The following CACNA2D3 variants were observed in gnomAD, a reference collection of about 807,000 sequenced individuals.
CACNA2D3 encodes the protein voltage-dependent calcium channel subunit alpha-2/delta-3.
A neutral mutation model predicts 160.6 loss-of-function variants in CACNA2D3; 60 were observed. The ratio of observed to expected loss-of-function variants is 0.37; its 90% CI spans 0.30 to 0.46. The LOEUF is 0.46. Ranked by LOEUF, CACNA2D3 falls within the 20% of genes least tolerant of loss-of-function variation. The probability of loss-of-function intolerance (pLI) is 1.00; values close to 1 mark genes in which losing one functional copy is unlikely to be tolerated. For synonymous variants in CACNA2D3, 558 were observed against 492.9 expected, an observed-to-expected ratio of 1.13 and a Z score of -1.75; for missense variants, 1,205 against 1,365.0, an observed-to-expected ratio of 0.88 and a Z score of 1.85.
In CACNA2D3 at chr3:54,459,906, G is replaced by T. The variant is rs1267629980; in HGVS notation, c.382-43586G>T. On this transcript the variant is annotated intron_variant, in intron 4 of 37. Coordinates refer to ENST00000474759, the MANE Select transcript of CACNA2D3 (RefSeq NM_018398.3). ...TCTTGTAGGGTTTTTATGGTTTTAG[G>T]TCTAACATTTAAGTCTTTAATCCAT... Among the ~76,000 whole-genome samples the T allele has an allele frequency of 2.0e-5, 3 of 152,160 alleles. No individual in the cohort carries two copies. In the South Asian group the frequency reaches 6.2e-4, roughly 32 times the overall value.
At chr3:54,228,812 G>T (rs894540990) in intron 2 of CACNA2D3, among the ~76,000 whole-genome samples, 1 of 152,230 alleles carries the variant, frequency 6.6e-6, no homozygotes, top group African/African-American at 2.4e-5. Flanking sequence ...CAAGCATGGA[G>T]TCTGGGTTTT....
In CACNA2D3 at chr3:54,816,277, T is replaced by A. The variant is rs150215581; in HGVS notation, c.1381-576T>A. ...TTAAAAACAAGCATTTTTCTAACAG[T>A]CTTACCTTTATATACAGCAGGGTTT... On this transcript the variant is annotated intron_variant, in intron 13 of 37. Coordinates refer to ENST00000474759, the MANE Select transcript of CACNA2D3 (RefSeq NM_018398.3). Among the ~76,000 whole-genome samples, 22 of 152,272 alleles carry A rather than the reference T, an allele frequency of 1.4e-4. No homozygotes were observed. In the East Asian group the frequency reaches 4.2e-3, roughly 29 times the overall value.
chr3:54,913,455 A>G (rs1305231254), intron 27 of CACNA2D3, among the ~76,000 whole-genome samples: 1 of 152,174 alleles, frequency 6.6e-6, no homozygotes, highest in Non-Finnish European at 1.5e-5. Flanking sequence ...TCTAGACTCT[A>G]AATTTCCCAT....
intron 13 of CACNA2D3, among the ~76,000 whole-genome samples, chr3:54,766,026 C>T (rs1702217678): frequency 6.6e-6 from 1 of 151,954 alleles, no homozygotes; most frequent in Non-Finnish European, 1.5e-5. Context: ...AGAAGAAAAC[C>T]TGGGTAAATT....
chr3:54,846,768 G>T lies in CACNA2D3; in HGVS notation c.1626+301G>T, dbSNP rs568482244. Among the ~76,000 whole-genome samples the T allele has an allele frequency of 2.0e-5, 3 of 152,260 alleles. No individual in the cohort carries two copies. In the East Asian group the frequency reaches 5.8e-4, roughly 29 times the overall value. ...AAATTTTTTTAACTCTAGACAGCAT[G>T]AAACCTATCATAACGGGTCCCTTGA... On this transcript the variant is annotated intron_variant, in intron 17 of 37. Coordinates refer to ENST00000474759, the MANE Select transcript of CACNA2D3 (RefSeq NM_018398.3).
intron 3 of CACNA2D3, among the ~76,000 whole-genome samples, chr3:54,368,689 G>A (rs1425415421): frequency 8.2e-6 from 1 of 122,692 alleles, no homozygotes; most frequent in East Asian, 2.5e-4. Context: ...TTGGGGGTAG[G>A]GTTCTTTTTT....
chr3:54,512,053 C>A (rs1701468079), intron 5 of CACNA2D3, among the ~76,000 whole-genome samples: 1 of 152,124 alleles, frequency 6.6e-6, no homozygotes, highest in Admixed American at 6.5e-5. Flanking sequence ...TGCCACAGGT[C>A]CCCCTGTTTG....
chr3:54,967,546 A>G (rs1199777673), intron 27 of CACNA2D3, among the ~76,000 whole-genome samples: 1 of 152,174 alleles, frequency 6.6e-6, no homozygotes, highest in Non-Finnish European at 1.5e-5. Flanking sequence ...GCAACAGACT[A>G]CAGTTTGCAA....
intron 13 of CACNA2D3, among the ~76,000 whole-genome samples, chr3:54,797,612 G>T (rs1702892763): frequency 6.6e-6 from 1 of 151,980 alleles, no homozygotes; most frequent in African/African-American, 2.4e-5. Context: ...AGTTCTTTTT[G>T]AACTTTTTTA....
intron 13 of CACNA2D3, among the ~76,000 whole-genome samples, chr3:54,774,534 C>G (rs13325247): frequency 6.6e-6 from 1 of 151,844 alleles, no homozygotes; most frequent in Admixed American, 6.6e-5. Flanking sequence ...TCTCCAACAC[C>G]GGGGGTTACA....
At chr3:55,056,089 A>G (rs894510137) in intron 35 of CACNA2D3, among the ~76,000 whole-genome samples, 3 of 152,192 alleles carry the variant, frequency 2.0e-5, no homozygotes, top group African/African-American at 7.2e-5. Flanking sequence ...AAGGAATTCA[A>G]ACAACTCAAC....
At chr3:54,667,555 C>T (rs900982688) in intron 11 of CACNA2D3, among the ~76,000 whole-genome samples, 1 of 152,154 alleles carries the variant, frequency 6.6e-6, no homozygotes, top group African/African-American at 2.4e-5. Context: ...TGATGCATTG[C>T]CTGTCATCAC....
rs543803190 is a variant in CACNA2D3, at chr3:54,742,424, T to TAATA, written c.1168-10156_1168-10153dup. On this transcript the variant is annotated intron_variant, in intron 11 of 37. Coordinates refer to ENST00000474759, the MANE Select transcript of CACNA2D3 (RefSeq NM_018398.3). The stretch of plus-strand genomic sequence containing the variant: ...CAGAGTGAGACTGTGTCTCAAAAAA[T>TAATA]AATAAATAAATAAATAAATAAAATC... Among the ~76,000 whole-genome samples, 415 of 151,836 alleles carry TAATA rather than the reference T, an allele frequency of 2.7e-3. 3 individuals carry two copies. The highest frequency in any genetic ancestry group is 8.8e-3 in the African/African-American group (365 of 41,414).
At chr3:54,239,282 G>A (rs1701935989) in intron 2 of CACNA2D3, among the ~76,000 whole-genome samples, 1 of 152,186 alleles carries the variant, frequency 6.6e-6, no homozygotes, top group South Asian at 2.1e-4. Context: ...CAAGAATGCA[G>A]TTATTGTACT....
intron 2 of CACNA2D3, among the ~76,000 whole-genome samples, chr3:54,288,872 A>G (rs774957761): frequency 1.5e-4 from 23 of 152,150 alleles, no homozygotes; most frequent in Non-Finnish European, 2.9e-4. Context: ...AAATTCAACA[A>G]CCTTCATGCT....
At chr3:54,261,589 A>G (rs1246708434) in intron 2 of CACNA2D3, among the ~76,000 whole-genome samples, 1 of 152,176 alleles carries the variant, frequency 6.6e-6, no homozygotes, top group Non-Finnish European at 1.5e-5. Flanking sequence ...CCCTATCTGA[A>G]CAAATATATG....
At chr3:54,740,317 G>A (rs907074077) in intron 11 of CACNA2D3, among the ~76,000 whole-genome samples, 1 of 152,092 alleles carries the variant, frequency 6.6e-6, no homozygotes, top group Non-Finnish European at 1.5e-5. Flanking sequence ...TTTCTCTGGG[G>A]CTTCTCAAAA....
intron 9 of CACNA2D3, among the ~76,000 whole-genome samples, chr3:54,623,491 C>T (rs1009101092): frequency 6.6e-6 from 1 of 152,114 alleles, no homozygotes; most frequent in African/African-American, 2.4e-5. Context: ...TAGCTTCACT[C>T]AAATCATATG....
chr3:54,988,427 A>C (rs922798812), intron 31 of CACNA2D3, among the ~76,000 whole-genome samples: 8 of 152,190 alleles, frequency 5.3e-5, no homozygotes, highest in Non-Finnish European at 7.4e-5. Flanking sequence ...CTTCTGGGAA[A>C]AGCCATCATC....
Sources: gnomAD v4.1 joint callset for allele counts (sites outside exome capture counted in the v4.1 genomes callset) on GRCh38, gnomAD v4.1.1 for gene constraint, MANE v1.5 for transcripts, NCBI Gene and HGNC (gene_info 2026-07-23, HGNC 2026-07-21) for gene names.